KIF2A: variants seen among roughly 807,000 people sequenced by gnomAD.
KIF2A encodes kinesin-like protein KIF2A.
In KIF2A, 22 loss-of-function variants were observed where a neutral mutation model predicts 100.2. The observed-to-expected ratio is 0.22, with a 90% confidence interval of 0.16 to 0.31. The LOEUF (loss-of-function observed/expected upper bound fraction) is 0.31. KIF2A is among the 10% of genes least tolerant of loss of function. KIF2A has a pLI of 1.00. For missense variants in KIF2A, 495 were observed against 898.7 expected, an observed-to-expected ratio of 0.55 and a Z score of 5.74; for synonymous variants, 268 against 285.9, an observed-to-expected ratio of 0.94 and a Z score of 0.63.
intron 17 of KIF2A, among the ~76,000 whole-genome samples, 166 bp from the exon 18 acceptor site, chr5:62,373,521 A>G (rs1741408210): frequency 6.6e-6 from 1 of 152,194 alleles, no homozygotes; most frequent in South Asian, 2.1e-4. Flanking sequence ...CTAAAACTAA[A>G]CAACCACTTA....
At position 62,381,106 on chromosome 5, in the gene KIF2A, T is replaced by C. The variant is rs1331317209; in HGVS notation, c.2014-12T>C. ...AGATGCTTATTGGATTATCGAATTT[T>C]TGTCCTTGTAGGAATCTATTCGGTG... On this transcript the variant is annotated splice_polypyrimidine_tract_variant and intron_variant, in intron 19 of 20. Transcript: ENST00000407818. 1 of 1,600,046 alleles carries C rather than the reference T, an allele frequency of 6.2e-7. No individual in the cohort carries two copies. Among genetic ancestry groups the C allele is most frequent in the South Asian group, 1.1e-5 (1 of 89,234 alleles).
intron 7 of KIF2A, among the ~76,000 whole-genome samples, chr5:62,357,085 T>A (rs2111938737): frequency 6.9e-6 from 1 of 144,352 alleles, no homozygotes; most frequent in Middle Eastern, 3.9e-3. Flanking sequence ...CATCACAACT[T>A]CTTTTTTTTT....
intron 3 of KIF2A, among the ~76,000 whole-genome samples, chr5:62,349,206 G>T (rs1747724311): frequency 6.6e-6 from 1 of 151,264 alleles, no homozygotes; most frequent in African/African-American, 2.4e-5. Flanking sequence ...CTGTACATTA[G>T]AATTACCTGG....
intron 20 of KIF2A, among the ~76,000 whole-genome samples, chr5:62,384,161 C>T (rs867927842): frequency 2.0e-5 from 3 of 151,758 alleles, no homozygotes; most frequent in African/African-American, 4.8e-5. Flanking sequence ...CACTTGAACC[C>T]GGGGCAGGGG....
At chr5:62,353,860 G>T (rs147564615) in intron 6 of KIF2A, among the ~76,000 whole-genome samples, 87 of 151,820 alleles carry the variant, frequency 5.7e-4, no homozygotes, top group African/African-American at 1.9e-3. Context: ...TCCCCCTCAG[G>T]GTCCCTTCAG....
In KIF2A at chr5:62,332,053, G is replaced by A. The variant is rs113022051; in HGVS notation, c.65-15077G>A. 1.6e-3 allele frequency among the ~76,000 whole-genome samples: 236 copies of A among 152,170 alleles called. 2 individuals are homozygous for A. The highest frequency in any genetic ancestry group is 5.3e-3 in the African/African-American group (218 of 41,494). ...ACTTTATATGCTAGACAAGGTTTAT[G>A]CCAGCCTAATTGGTTGCTGGCATTT... On this transcript the variant is annotated intron_variant, in intron 1 of 20. Coordinates refer to ENST00000407818, the MANE Select transcript of KIF2A (RefSeq NM_001098511.3).
chr5:62,351,097 T>C (rs1747831480), intron 4 of KIF2A, among the ~76,000 whole-genome samples: 1 of 150,558 alleles, frequency 6.6e-6, no homozygotes, highest in Non-Finnish European at 1.5e-5. Flanking sequence ...CCAAGTGCAG[T>C]GACACATACC....
Position 62,385,856 on chromosome 5 carries a change from G to A in KIF2A, c.*287G>A. 2.6e-6 allele frequency: 1 copy of A among 381,220 alleles called. No individual in the cohort carries two copies. Among genetic ancestry groups the A allele is most frequent in the Non-Finnish European group, 4.9e-6 (1 of 204,432 alleles). 23.6% of individuals were successfully genotyped at this position (381,220 alleles called of 1,614,324 possible). A position where few individuals can be genotyped will look rare whatever the true frequency, so the allele number is the denominator to read the frequency against. ...TCAGTTTTATTTTCTATTTGATGAA[G>A]TAAGACTGTGGACTCAATCCAGAGC... On this transcript the variant is annotated 3_prime_UTR_variant, in exon 21 of 21. Transcript: ENST00000407818.
chr5:62,367,353 A>G (rs1333292116), intron 16 of KIF2A, among the ~76,000 whole-genome samples: 1 of 151,752 alleles, frequency 6.6e-6, no homozygotes, highest in Non-Finnish European at 1.5e-5. Context: ...TGCAACCTCC[A>G]CTTCCTGAGT....
rs1256762908 is a variant in KIF2A, at chr5:62,386,172, T to C, written c.*603T>C. The C allele has an allele frequency of 6.5e-6, 1 of 152,810 alleles. No homozygotes were observed. Among genetic ancestry groups the C allele is most frequent in the African/African-American group, 2.4e-5 (1 of 41,452 alleles). The allele number at this position is 152,810 out of a possible 1,614,324, so 9.5% of individuals were successfully genotyped here. A position where few individuals can be genotyped will look rare whatever the true frequency, so the allele number is the denominator to read the frequency against. On this transcript the variant is annotated 3_prime_UTR_variant, in exon 21 of 21. Transcript: ENST00000407818. ...TGAGACATTTTTTGTGTGTGACTAG[T>C]TAATTTTGCAGGATGTGCCATATCA...
intron 7 of KIF2A, among the ~76,000 whole-genome samples, chr5:62,356,941 A>C (rs1748141618): frequency 6.6e-6 from 1 of 152,026 alleles, no homozygotes; most frequent in South Asian, 2.1e-4. Flanking sequence ...ATGCACCACC[A>C]TGCCCAGCTA....
chr5:62,374,157 G>A (rs1039686114), intron 18 of KIF2A, among the ~76,000 whole-genome samples: 3 of 152,166 alleles, frequency 2.0e-5, no homozygotes, highest in African/African-American at 7.2e-5. Flanking sequence ...GGCTGTAGTG[G>A]ACTGTCATAG....
intron 7 of KIF2A, 33 bp downstream of exon 7, chr5:62,355,287 T>A (rs761839268): frequency 9.5e-7 from 1 of 1,054,134 alleles, no homozygotes; most frequent in East Asian, 2.4e-5. Context: ...ATTCTGGAAC[T>A]TTTTATGCTT....
In KIF2A at chr5:62,389,184, G is replaced by C. The variant is rs1742176415; in HGVS notation, c.*3615G>C. 1 of 729,282 alleles carries C rather than the reference G, an allele frequency of 1.4e-6. No individual in the cohort carries two copies. The highest frequency in any genetic ancestry group is 2.2e-5 in the South Asian group (1 of 45,640). The allele number at this position is 729,282 out of a possible 1,614,324, so 45.2% of individuals were successfully genotyped here. ...CAGAGCCCACCCACTCCTAATACTA[G>C]TTATTAAAGAAACGTTACTGGCTGG... On this transcript the variant is annotated 3_prime_UTR_variant, in exon 21 of 21. Transcript: ENST00000407818.
chr5:62,347,108 T>G, intron 1 of KIF2A, 22 bp from the exon 2 acceptor site: 1 of 1,372,752 alleles, frequency 7.3e-7, no homozygotes, highest in Non-Finnish European at 1.0e-6. Context: ...ATTTTTAAGG[T>G]GTATACTTTA....
At chr5:62,380,280 C>A (rs1741717413) in intron 19 of KIF2A, among the ~76,000 whole-genome samples, 1 of 152,206 alleles carries the variant, frequency 6.6e-6, no homozygotes, top group South Asian at 2.1e-4. Flanking sequence ...CCATAGCCCC[C>A]ATCAAAGTGC....
intron 1 of KIF2A, among the ~76,000 whole-genome samples, chr5:62,317,002 TGAGCTATAGTATAGTAAAAAG>T (rs921966316): frequency 6.6e-5 from 10 of 152,130 alleles, no homozygotes; most frequent in African/African-American, 2.2e-4. Flanking sequence ...AATTTTTCAA[TGAGCTATAGTATAGTAAAAAG>T]GATTCACATA....
rs1742000684 is a variant in KIF2A, at chr5:62,385,826, C to T, written c.*257C>T. The T allele has an allele frequency of 2.3e-6, 1 of 437,038 alleles. No homozygotes were observed. Among genetic ancestry groups the T allele is most frequent in the Non-Finnish European group, 4.1e-6 (1 of 241,618 alleles). 27.1% of individuals were successfully genotyped at this position (437,038 alleles called of 1,614,324 possible). A position where few individuals can be genotyped will look rare whatever the true frequency, so the allele number is the denominator to read the frequency against. ...CAAATAGTGATTTACTTTTGGAGAT[C>T]CTTGTCAGTTTTATTTTCTATTTGA... On this transcript the variant is annotated 3_prime_UTR_variant, in exon 21 of 21. Transcript: ENST00000407818.
At chr5:62,377,307 G>A (rs545189838) in intron 18 of KIF2A, among the ~76,000 whole-genome samples, 11 of 152,088 alleles carry the variant, frequency 7.2e-5, no homozygotes, top group Non-Finnish European at 1.2e-4. Context: ...TTAGTGAAAA[G>A]TAGACAATAC....
Sources: allele counts gnomAD v4.1 joint callset (sites outside exome capture counted in the v4.1 genomes callset), GRCh38; gene constraint gnomAD v4.1.1; transcripts MANE v1.5; gene names NCBI Gene and HGNC (gene_info 2026-07-23, HGNC 2026-07-21).